ASIC2: variants seen among roughly 807,000 people sequenced by gnomAD.
ASIC2 encodes acid-sensing ion channel 2.
A neutral mutation model predicts 57.3 loss-of-function variants in ASIC2; 25 were observed. The ratio of observed to expected loss-of-function variants is 0.44; its 90% CI spans 0.32 to 0.61. The LOEUF is 0.61. ASIC2 is among the 20% of genes least tolerant of loss of function. ASIC2 has a pLI of 0.06. For synonymous variants in ASIC2, 319 were observed against 307.5 expected, an observed-to-expected ratio of 1.04 and a Z score of -0.39; for missense variants, 641 against 738.1, an observed-to-expected ratio of 0.87 and a Z score of 1.52.
At position 33,389,281 on chromosome 17, in the gene ASIC2, C is replaced by T. The variant is rs541040292; in HGVS notation, c.556-277214G>A. ...TGGCTCTCTCCCACTCTTAACTGCA[C>T]GCAAACAGATGGCACAATGTATCCC... is the stretch of plus-strand genomic sequence containing the variant. On this transcript the variant is annotated intron_variant, in intron 1 of 9. Transcript: ENST00000359872. Among the ~76,000 whole-genome samples the T allele has an allele frequency of 9.9e-5, 15 of 152,272 alleles. No individual in the cohort carries two copies. In the South Asian group the frequency reaches 2.1e-3, roughly 21 times the overall value.
intron 1 of ASIC2, among the ~76,000 whole-genome samples, chr17:33,698,575 G>A (rs1329276195): frequency 2.0e-5 from 3 of 152,158 alleles, no homozygotes; most frequent in Non-Finnish European, 4.4e-5. Context: ...GAGAGAAAGT[G>A]TGAGACATAA....
At chr17:33,590,874 T>G (rs1198051663) in intron 1 of ASIC2, among the ~76,000 whole-genome samples, 1 of 152,208 alleles carries the variant, frequency 6.6e-6, no homozygotes, top group East Asian at 1.9e-4. Context: ...AAGAGTTGGT[T>G]TCCAAAGCTT....
At chr17:34,010,187 A>G (rs1330207400) in intron 1 of ASIC2, among the ~76,000 whole-genome samples, 2 of 152,210 alleles carry the variant, frequency 1.3e-5, no homozygotes, top group Admixed American at 1.3e-4. Context: ...TCACCTGGTC[A>G]TTCCTTAGGT....
chr17:33,741,617 ATC>A (rs1477810416), intron 1 of ASIC2, among the ~76,000 whole-genome samples: 3 of 152,180 alleles, frequency 2.0e-5, no homozygotes, highest in African/African-American at 7.2e-5. Context: ...ACCAAGCATT[ATC>A]TCCAGGCATG....
intron 1 of ASIC2, among the ~76,000 whole-genome samples, chr17:34,021,483 C>T (rs1471621318): frequency 6.6e-6 from 1 of 152,174 alleles, no homozygotes; most frequent in Non-Finnish European, 1.5e-5. Context: ...TAGGGCAGGG[C>T]TCTGGAATCT....
At chr17:33,787,299 T>C (rs528557460) in intron 1 of ASIC2, among the ~76,000 whole-genome samples, 2 of 152,326 alleles carry the variant, frequency 1.3e-5, no homozygotes, top group African/African-American at 4.8e-5. Context: ...CTGGATAAAG[T>C]GGTATCTGTG....
At chr17:33,028,135 T>G in intron 4 of ASIC2, 107 bp downstream of exon 4, 1 of 1,428,010 alleles carries the variant, frequency 7.0e-7, no homozygotes, top group Non-Finnish European at 9.5e-7. Context: ...ACATCATCCT[T>G]TTGGATCCCA....
At chr17:33,396,492 ATAAAT>A (rs1260443349) in intron 1 of ASIC2, among the ~76,000 whole-genome samples, 1 of 152,234 alleles carries the variant, frequency 6.6e-6, no homozygotes, top group Non-Finnish European at 1.5e-5. Flanking sequence ...TGAGGCTCAA[ATAAAT>A]TAAGTGATTT....
chr17:33,586,121 CAAA>C (rs1319856636), intron 1 of ASIC2, among the ~76,000 whole-genome samples: 3 of 152,072 alleles, frequency 2.0e-5, no homozygotes, highest in African/African-American at 7.2e-5. Context: ...TGTGAGCTGG[CAAA>C]GAAGAGTGTC....
intron 1 of ASIC2, among the ~76,000 whole-genome samples, chr17:33,885,745 C>T (rs2141943335): frequency 6.6e-6 from 1 of 152,318 alleles, no homozygotes; most frequent in South Asian, 2.1e-4. Context: ...AATTCAAATG[C>T]TCCTTCCTCC....
intron 1 of ASIC2, among the ~76,000 whole-genome samples, chr17:34,134,056 A>G: frequency 6.6e-6 from 1 of 152,210 alleles, no homozygotes; most frequent in East Asian, 1.9e-4. Context: ...CACATAGCTG[A>G]TGAGTGCTAC....
At chr17:33,451,915 T>C (rs970986201) in intron 1 of ASIC2, among the ~76,000 whole-genome samples, 3 of 152,232 alleles carry the variant, frequency 2.0e-5, no homozygotes, top group Admixed American at 1.3e-4. Context: ...ATGTCTATGA[T>C]GGTAGGGACT....
At chr17:33,585,684 A>C (rs1000463165) in intron 1 of ASIC2, among the ~76,000 whole-genome samples, 5 of 152,222 alleles carry the variant, frequency 3.3e-5, no homozygotes, top group Non-Finnish European at 7.3e-5. Context: ...AGAAGGAATC[A>C]GCTAACAGAT....
At chr17:33,470,141 G>C (rs1277861760) in intron 1 of ASIC2, among the ~76,000 whole-genome samples, 1 of 152,188 alleles carries the variant, frequency 6.6e-6, no homozygotes, top group Non-Finnish European at 1.5e-5. Flanking sequence ...AGACCAGCTG[G>C]TGTCTGAACT....
At chr17:33,275,356 T>C (rs1392815112) in intron 1 of ASIC2, among the ~76,000 whole-genome samples, 1 of 152,152 alleles carries the variant, frequency 6.6e-6, no homozygotes, top group Non-Finnish European at 1.5e-5. Flanking sequence ...AAAATCTGAA[T>C]CTTCGCACTA....
chr17:33,503,623 C>T (rs905260046), intron 1 of ASIC2, among the ~76,000 whole-genome samples: 2 of 152,132 alleles, frequency 1.3e-5, no homozygotes, highest in Admixed American at 1.3e-4. Context: ...TCTCCCTCTC[C>T]TCCTCCTCCT....
At chr17:33,847,571 C>T (rs1261918504) in intron 1 of ASIC2, among the ~76,000 whole-genome samples, 1 of 152,170 alleles carries the variant, frequency 6.6e-6, no homozygotes, top group Non-Finnish European at 1.5e-5. Context: ...TCCCACACTC[C>T]AGACAGGATA....
At chr17:33,603,258 G>T (rs1001148359) in intron 1 of ASIC2, among the ~76,000 whole-genome samples, 1 of 152,218 alleles carries the variant, frequency 6.6e-6, no homozygotes, top group East Asian at 1.9e-4. Context: ...AGTGGTGGGG[G>T]TGTTGGGCTG....
intron 1 of ASIC2, among the ~76,000 whole-genome samples, chr17:34,132,768 G>T (rs1035361655): frequency 3.3e-5 from 5 of 152,184 alleles, no homozygotes; most frequent in Non-Finnish European, 5.9e-5. Flanking sequence ...CCCTACCACT[G>T]TGGGCTGTTG....
Sources: gnomAD v4.1 joint callset for allele counts (sites outside exome capture counted in the v4.1 genomes callset) on GRCh38, gnomAD v4.1.1 for gene constraint, MANE v1.5 for transcripts, NCBI Gene and HGNC (gene_info 2026-07-23, HGNC 2026-07-21) for gene names.